FGFR2: variants seen among roughly 807,000 people sequenced by gnomAD.
The protein encoded by FGFR2 is BEK fibroblast growth factor receptor.
A neutral mutation model predicts 95.9 loss-of-function variants in FGFR2; 19 were observed. The observed-to-expected ratio is 0.20, with a 90% CI of 0.14 to 0.29. The LOEUF is 0.29. Among genes scored for constraint, FGFR2 ranks in the 10% least tolerant of loss-of-function variants. The pLI is 1.00. For synonymous variants in FGFR2, 392 were observed against 393.3 expected (o/e 1.00, Z 0.04); for missense variants, 707 against 1,056.9 (o/e 0.67, Z 4.59).
chr10:121,551,799 C>T (rs942574484), intron 4 of FGFR2, among the ~76,000 whole-genome samples: 7 of 152,034 alleles, frequency 4.6e-5, no homozygotes, highest in African/African-American at 7.2e-5. Context: ...TATACAACTG[C>T]GACAGCTCAG....
In FGFR2 at chr10:121,597,947, T is replaced by C. The variant is rs1231895545; in HGVS notation, c.-151+15A>G. 1 of 391,848 alleles carries C rather than the reference T, an allele frequency of 2.6e-6. No individual in the cohort carries two copies. Among genetic ancestry groups the C allele is most frequent in the Admixed American group, 4.4e-5 (1 of 22,502 alleles). The allele number at this position is 391,848 out of a possible 1,614,324, so 24.3% of individuals were successfully genotyped here. A position where few individuals can be genotyped will look rare whatever the true frequency, so the allele number is the denominator to read the frequency against. ...GGCTGGCGAAGCTCCCCGAGGCGTC[T>C]TGCGCGGCGATTACCTTGAATGGCA... On this transcript the variant is annotated intron_variant, in intron 1 of 17. Transcript: ENST00000358487.
chr10:121,549,079 C>A (rs983314465), intron 5 of FGFR2, among the ~76,000 whole-genome samples: 3 of 152,160 alleles, frequency 2.0e-5, no homozygotes, highest in African/African-American at 7.2e-5. Flanking sequence ...AGCAGATCTG[C>A]CTCATAACTG....
chr10:121,482,691 A>C (rs897259597), intron 17 of FGFR2, among the ~76,000 whole-genome samples: 1 of 152,218 alleles, frequency 6.6e-6, no homozygotes, highest in Non-Finnish European at 1.5e-5. Flanking sequence ...TATGCTTTCC[A>C]TAATTATAAA....
rs2133804276 is a variant in FGFR2 at position 121,485,622 on chromosome 10, C to G, written c.2058-90G>C. 1 of 1,571,928 alleles carries G rather than the reference C, an allele frequency of 6.4e-7. No homozygotes were observed. The highest frequency in any genetic ancestry group is 8.7e-7 in the Non-Finnish European group (1 of 1,148,204). ...CAGCTGAGACATAAACACCTCCTCA[C>G]TTCTGAAGTTCAAAGACAAATGGGC... On this transcript the variant is annotated intron_variant, in intron 15 of 17. Transcript: ENST00000358487. This position sits in a 1 kb window ranked among gnomAD's most constrained non-coding sequence, Gnocchi z 4.2.
chr10:121,515,344 G>GA (rs559994357), intron 8 of FGFR2, 25 bp from the exon 9 acceptor site: 23 of 1,607,592 alleles, frequency 1.4e-5, no homozygotes, highest in Non-Finnish European at 2.0e-5. Flanking sequence ...ACAGGAGGAG[G>GA]AACAGATAAG....
At chr10:121,526,810 C>T (rs572514117) in intron 6 of FGFR2, 5 of 398,534 alleles carry the variant, frequency 1.3e-5, no homozygotes, top group East Asian at 3.6e-5. Context: ...GGCACATGCT[C>T]GTTTTGTTCT....
At chr10:121,550,636 C>G (rs1487488924) in intron 5 of FGFR2, among the ~76,000 whole-genome samples, 1 of 152,162 alleles carries the variant, frequency 6.6e-6, no homozygotes, top group Admixed American at 6.5e-5. Context: ...TCATGCAATC[C>G]TGCTCTGACA....
At chr10:121,574,760 C>A (rs1037683003) in intron 2 of FGFR2, among the ~76,000 whole-genome samples, 3 of 152,074 alleles carry the variant, frequency 2.0e-5, no homozygotes, top group African/African-American at 4.8e-5. Flanking sequence ...ATAGGTACTA[C>A]GTGTTCTTTA....
chr10:121,566,936 T>A (rs1263958480), intron 2 of FGFR2, among the ~76,000 whole-genome samples: 1 of 152,018 alleles, frequency 6.6e-6, no homozygotes, highest in Non-Finnish European at 1.5e-5. Context: ...CACTGGCATT[T>A]ATTAATAACA....
At chr10:121,591,392 C>T (rs559201572) in intron 2 of FGFR2, among the ~76,000 whole-genome samples, 4 of 151,940 alleles carry the variant, frequency 2.6e-5, no homozygotes, top group African/African-American at 4.9e-5. Context: ...CTGGCGACAA[C>T]GGCGACAAGG....
In FGFR2 at chr10:121,498,535, G is replaced by C. The variant is rs2133973433; in HGVS notation, c.1632C>G (p.His544Gln). The C allele has an allele frequency of 6.2e-7, 1 of 1,613,908 alleles. No individual in the cohort carries two copies. The change falls in exon 12 of 18, where the codon CAC becomes CAG. Residue 544 changes from histidine to glutamine, a missense_variant. Transcript: ENST00000358487. ...CTCCAAGAAGATTTATGATATTCTT[G>C]TGTTTCCCAATCATCTTCATCATCT... Reference protein sequence around the residue: ...EMEMMKMIGKHKNIINLLGAC... With the variant: ...EMEMMKMIGKQKNIINLLGAC...
At chr10:121,480,298 T>C in intron 17 of FGFR2, 1 of 502,036 alleles carries the variant, frequency 2.0e-6, no homozygotes. Context: ...TCTCTTGGAA[T>C]CCATCATAAA....
chr10:121,508,755 G>A (rs748303100), intron 9 of FGFR2, among the ~76,000 whole-genome samples: 3 of 152,190 alleles, frequency 2.0e-5, no homozygotes, highest in African/African-American at 7.2e-5. Context: ...ATAAGAACAC[G>A]AAACGGGGGA....
chr10:121,551,882 T>C (rs1855464727), intron 4 of FGFR2, among the ~76,000 whole-genome samples: 1 of 152,166 alleles, frequency 6.6e-6, no homozygotes, highest in African/African-American at 2.4e-5. Flanking sequence ...TAAAAGCAAG[T>C]TGTTCTCAAA....
At chr10:121,538,302 C>T in intron 6 of FGFR2, 2 of 773,238 alleles carry the variant, frequency 2.6e-6, no homozygotes, top group South Asian at 2.7e-5. Flanking sequence ...TTAACATTTT[C>T]AGAGTAATCT....
Position 121,593,718 on chromosome 10 carries a change from C to T in FGFR2, c.100G>A (p.Glu34Lys), listed in dbSNP as rs373546701. Residue 34 changes from glutamate (E) to lysine (K), a missense_variant, in exon 2 of 18, where the codon GAG becomes AAG. By Grantham distance (56) the Glu-to-Lys change is moderately conservative. Transcript: ENST00000358487. ...AAATTAAATGACTTACCTTCTGGCT[C>T]TAATGTGGTATCCTCAACTAAACTG... Reference protein sequence around the residue: ...SFSLVEDTTLEPEEPPTKYQI... With the variant: ...SFSLVEDTTLKPEEPPTKYQI... 1 of 1,614,048 alleles carries T rather than the reference C, an allele frequency of 6.2e-7. No homozygotes were observed. The highest frequency in any genetic ancestry group is 1.1e-5 in the South Asian group (1 of 91,074).
At chr10:121,523,731 C>T (rs1283479399) in intron 6 of FGFR2, among the ~76,000 whole-genome samples, 1 of 152,078 alleles carries the variant, frequency 6.6e-6, no homozygotes, top group Non-Finnish European at 1.5e-5. Flanking sequence ...AGTGTGGGTG[C>T]GTTTTAAGAT....
chr10:121,565,785 G>A lies in FGFR2; in HGVS notation c.110-81C>T, dbSNP rs1857590982. Reference sequence around the variant, plus strand: ...GAACGTCCAACAAAGGTCAGTGGAGGCCTGCTTATTCCCAGGAGAAGCTGT... The same window carrying A: ...GAACGTCCAACAAAGGTCAGTGGAGACCTGCTTATTCCCAGGAGAAGCTGT... On this transcript the variant is annotated intron_variant, in intron 2 of 17. Transcript: ENST00000358487. 2.6e-6 allele frequency: 4 copies of A among 1,538,652 alleles called. No homozygotes were observed. In the South Asian group the frequency reaches 3.4e-5, roughly 13 times the overall value.
chr10:121,522,083 A>T (rs763674451), intron 6 of FGFR2, among the ~76,000 whole-genome samples: 12 of 152,348 alleles, frequency 7.9e-5, no homozygotes, highest in Admixed American at 2.0e-4. Flanking sequence ...ATCTAAATTC[A>T]TCGCATTCAT....
Sources: allele counts gnomAD v4.1 joint callset (sites outside exome capture counted in the v4.1 genomes callset), GRCh38; gene constraint gnomAD v4.1.1; non-coding constraint Gnocchi (gnomAD v3.1); transcripts MANE v1.5; gene names NCBI Gene and HGNC (gene_info 2026-07-23, HGNC 2026-07-21).